Variants in CTIF observed in about 807,000 individuals in gnomAD.
The protein encoded by CTIF is CBP80/20-dependent translation initiation factor.
Under a neutral mutation model 66.0 loss-of-function variants are expected in CTIF, and 21 were observed. The ratio of observed to expected loss-of-function variants is 0.32; its 90% CI spans 0.23 to 0.46. The LOEUF (loss-of-function observed/expected upper bound fraction) is 0.46. CTIF is among the 20% of genes least tolerant of loss of function. The pLI is 1.00. For missense variants in CTIF, 739 were observed against 812.7 expected (o/e 0.91, Z 1.10); for synonymous variants, 345 against 326.4 (o/e 1.06, Z -0.62).
intron 1 of CTIF, among the ~76,000 whole-genome samples, chr18:48,599,976 A>G (rs1038585565): frequency 2.1e-4 from 32 of 152,184 alleles, no homozygotes; most frequent in African/African-American, 7.2e-4. Context: ...CAAGTGGCCA[A>G]TCCACTTTGA....
chr18:48,830,783 G>A (rs569152225), intron 10 of CTIF, among the ~76,000 whole-genome samples: 1 of 139,142 alleles, frequency 7.2e-6, no homozygotes, highest in East Asian at 2.1e-4. Context: ...TCCCCAGCCT[G>A]ACTGCCTTCT....
chr18:48,592,366 G>A (rs369259328), intron 1 of CTIF, among the ~76,000 whole-genome samples: 2 of 151,944 alleles, frequency 1.3e-5, no homozygotes, highest in East Asian at 3.9e-4. Flanking sequence ...GTGTGGTGGC[G>A]CATGCCTGTA....
At position 48,606,431 on chromosome 18, in the gene CTIF, A is replaced by G. The variant is rs56216084; in HGVS notation, c.-28-13107A>G. On this transcript the variant is annotated intron_variant, in intron 1 of 11. Coordinates refer to ENST00000256413, the MANE Select transcript of CTIF (RefSeq NM_014772.3). ...GGAGGGTAACAGGGGGTGGTGATGCATGCTCTGCCTAACTGCAGCCGCAGG... is the reference window on the plus strand; with the variant it reads ...GGAGGGTAACAGGGGGTGGTGATGCGTGCTCTGCCTAACTGCAGCCGCAGG... Among the ~76,000 whole-genome samples the G allele has an allele frequency of 2.9e-3, 440 of 152,330 alleles. 1 individual carries two copies. Among genetic ancestry groups the G allele is most frequent in the African/African-American group, 0.01 (423 of 41,576 alleles).
intron 8 of CTIF, among the ~76,000 whole-genome samples, chr18:48,759,311 G>T (rs536468369): frequency 2.8e-4 from 43 of 152,252 alleles, no homozygotes; most frequent in African/African-American, 9.9e-4. Context: ...TGGGGCTTCC[G>T]CAGAGCTCCA....
intron 3 of CTIF, among the ~76,000 whole-genome samples, chr18:48,658,776 A>C (rs2091289713): frequency 6.6e-6 from 1 of 152,140 alleles, no homozygotes; most frequent in Non-Finnish European, 1.5e-5. Context: ...CATATGTGGC[A>C]CTTGTATGGC....
chr18:48,560,857 A>G lies in CTIF; in HGVS notation c.-29+21545A>G, dbSNP rs2089142421. Among the ~76,000 whole-genome samples, 2 of 152,164 alleles carry G rather than the reference A, an allele frequency of 1.3e-5. 1 individual carries two copies. Among genetic ancestry groups the G allele is most frequent in the Non-Finnish European group, 2.9e-5 (2 of 68,012 alleles). ...CAAAGTGCTGGGATTCTAGGGATGAACCACTGCCCGGCCTATCCTTCCTTA... is the reference window on the plus strand; with the variant it reads ...CAAAGTGCTGGGATTCTAGGGATGAGCCACTGCCCGGCCTATCCTTCCTTA... On this transcript the variant is annotated intron_variant, in intron 1 of 11. Transcript: ENST00000256413.
intron 10 of CTIF, among the ~76,000 whole-genome samples, chr18:48,820,869 G>A (rs539779510): frequency 3.3e-5 from 5 of 152,330 alleles, no homozygotes; most frequent in South Asian, 2.1e-4. Flanking sequence ...CATCCAGCCC[G>A]TCTGGGGGTC....
intron 10 of CTIF, among the ~76,000 whole-genome samples, chr18:48,844,579 C>T (rs753922090): frequency 2.0e-5 from 3 of 152,166 alleles, no homozygotes; most frequent in African/African-American, 4.8e-5. Context: ...CTAGGGTGCC[C>T]GCCCGCCTTA....
chr18:48,833,963 G>T (rs1181249268), intron 10 of CTIF, among the ~76,000 whole-genome samples: 1 of 152,154 alleles, frequency 6.6e-6, no homozygotes, highest in African/African-American at 2.4e-5. Flanking sequence ...AAAAGCCCCT[G>T]ACAGCTCATT....
intron 1 of CTIF, among the ~76,000 whole-genome samples, chr18:48,541,227 C>G (rs1264785866): frequency 6.6e-6 from 1 of 152,098 alleles, no homozygotes; most frequent in Non-Finnish European, 1.5e-5. Flanking sequence ...CGCCCCAGCC[C>G]GGCCCAGGCC....
intron 9 of CTIF, among the ~76,000 whole-genome samples, chr18:48,795,581 G>A (rs1443616162): frequency 6.6e-6 from 1 of 152,216 alleles, no homozygotes; most frequent in Non-Finnish European, 1.5e-5. Flanking sequence ...GGCTTGCAAA[G>A]AGGCACCTGC....
At chr18:48,747,460 C>A (rs1907340603) in intron 7 of CTIF, among the ~76,000 whole-genome samples, 1 of 152,164 alleles carries the variant, frequency 6.6e-6, no homozygotes, top group African/African-American at 2.4e-5. Context: ...GGGTGGCGGC[C>A]CACATGCAGC....
chr18:48,565,221 A>G (rs2089253579), intron 1 of CTIF: 1 of 152,174 alleles, frequency 6.6e-6, no homozygotes, highest in Non-Finnish European at 1.5e-5. Flanking sequence ...CAAGCCCCAC[A>G]GCCCTGCTGT....
chr18:48,829,778 G>T (rs960498833), intron 10 of CTIF, among the ~76,000 whole-genome samples: 4 of 152,232 alleles, frequency 2.6e-5, no homozygotes, highest in Non-Finnish European at 4.4e-5. Flanking sequence ...AGCTCTCCAG[G>T]ACCCCTGTGG....
At chr18:48,852,266 C>T (rs2069222237) in intron 10 of CTIF, among the ~76,000 whole-genome samples, 1 of 106,600 alleles carries the variant, frequency 9.4e-6, no homozygotes, top group South Asian at 2.6e-4. Flanking sequence ...AAAAAAAGTT[C>T]CAGCAAGACC....
At position 48,859,408 on chromosome 18, in the gene CTIF, G is replaced by T. The variant is rs1297179611; in HGVS notation, c.1646G>T (p.Ser549Ile). Residue 549 changes from serine (S) to isoleucine (I), a missense_variant, in exon 12 of 12, where the codon AGC becomes ATC. By Grantham distance (142) the Ser-to-Ile change is moderately radical. Around this residue, in one of 2 missense-constraint regions of CTIF, gnomAD observed 210 missense variants for 292.3 expected, o/e 0.72. Coordinates refer to ENST00000256413, the MANE Select transcript of CTIF (RefSeq NM_014772.3). ...GAGATGATGACAGAGCTCCTGGCCA[G>T]CGCACGGGACAAGATGCTGTGCCCC... Reference protein sequence around the residue: ...LPEMMTELLASARDKMLCPSE... With the variant: ...LPEMMTELLAIARDKMLCPSE... The T allele has an allele frequency of 6.2e-7, 1 of 1,614,172 alleles. No individual in the cohort carries two copies. Among genetic ancestry groups the T allele is most frequent in the Non-Finnish European group, 8.5e-7 (1 of 1,180,042 alleles).
chr18:48,762,821 C>T (rs1176139783), intron 9 of CTIF, among the ~76,000 whole-genome samples: 1 of 152,236 alleles, frequency 6.6e-6, no homozygotes, highest in Non-Finnish European at 1.5e-5. Context: ...GCCGTCTTCC[C>T]TAAAAGCTGG....
intron 1 of CTIF, among the ~76,000 whole-genome samples, chr18:48,605,128 T>G (rs1321107907): frequency 6.6e-6 from 1 of 152,232 alleles, no homozygotes; most frequent in African/African-American, 2.4e-5. Flanking sequence ...TTCATTTTTC[T>G]CAGGTATATA....
At chr18:48,712,281 C>T (rs113078829) in intron 7 of CTIF, among the ~76,000 whole-genome samples, 1,645 of 152,208 alleles carry the variant, frequency 0.011, 32 homozygotes, top group African/African-American at 0.038. Context: ...CTCAGACTCC[C>T]GAGTGACAAT....
Sources: allele counts gnomAD v4.1 joint callset (sites outside exome capture counted in the v4.1 genomes callset), GRCh38; gene constraint gnomAD v4.1.1; regional missense constraint gnomAD v4.1.1; transcripts MANE v1.5; gene names NCBI Gene and HGNC (gene_info 2026-07-23, HGNC 2026-07-21).